Variants in OIP5 observed in about 807,000 individuals in gnomAD.
The protein encoded by OIP5 is Opa interacting protein 5.
OIP5 carries 24 observed loss-of-function variants against 20.3 expected under a neutral mutation model. The ratio of observed to expected loss-of-function variants is 1.18; its 90% CI spans 0.86 to 1.66. The LOEUF is 1.66. Among genes scored for constraint, OIP5 ranks in the 40% most tolerant of loss-of-function variants. The pLI is 0.00. For synonymous variants in OIP5, 143 were observed against 121.3 expected (o/e 1.18, Z -1.17); for missense variants, 339 against 289.5 (o/e 1.17, Z -1.24).
chr15:41,326,525 G>C (rs760201023), intron 2 of OIP5, among the ~76,000 whole-genome samples: 2 of 152,168 alleles, frequency 1.3e-5, no homozygotes, highest in Non-Finnish European at 2.9e-5. Flanking sequence ...CTAGGTTCAA[G>C]TGATTCTCCT....
At chr15:41,316,347 C>T (rs2047788614) in intron 3 of OIP5, among the ~76,000 whole-genome samples, 1 of 152,020 alleles carries the variant, frequency 6.6e-6, no homozygotes, top group African/African-American at 2.4e-5. Flanking sequence ...CTCAGGATCT[C>T]AGGTATATAT....
At chr15:41,318,466 AGGGAGCAGTTTGAGAT>A (rs2047802405) in intron 3 of OIP5, among the ~76,000 whole-genome samples, 1 of 151,518 alleles carries the variant, frequency 6.6e-6, no homozygotes, top group Admixed American at 6.6e-5. Flanking sequence ...CCGGCCCATA[AGGGAGCAGTTTGAGAT>A]GGGAGGCTTC....
At chr15:41,325,052 A>G (rs927175699) in intron 2 of OIP5, among the ~76,000 whole-genome samples, 1 of 152,202 alleles carries the variant, frequency 6.6e-6, no homozygotes, top group Non-Finnish European at 1.5e-5. Context: ...CAATTACAAT[A>G]GTAACAGCAA....
At chr15:41,315,756 T>A (rs937933973) in intron 3 of OIP5, among the ~76,000 whole-genome samples, 1 of 152,180 alleles carries the variant, frequency 6.6e-6, no homozygotes, top group Non-Finnish European at 1.5e-5. Flanking sequence ...CATTTACTTT[T>A]GTACTGATTT....
At chr15:41,329,063 C>CAAAAAAAAAAAAAAAAAAA (rs1166517767) in intron 2 of OIP5, among the ~76,000 whole-genome samples, 1 of 50,356 alleles carries the variant, frequency 2.0e-5, no homozygotes, top group Non-Finnish European at 3.5e-5. Flanking sequence ...GACTCCATCT[C>CAAAAAAAAAAAAAAAAAAA]AAAAAAAAAA....
chr15:41,332,400 C>T lies in OIP5; in HGVS notation c.162G>A (p.Gly54=), dbSNP rs757423137. Residue 54 remains glycine, a synonymous_variant, in exon 1 of 5, where the codon GGG becomes GGA. Coordinates refer to ENST00000220514, the MANE Select transcript of OIP5 (RefSeq NM_007280.2). ...CGGCGGCTGGCTCCTCAGCCCCCAG[C>T]CCTGCGGGGCCGAGCGGCGAGGACC... is the stretch of plus-strand genomic sequence containing the variant. ...VKGSSPLGPA[G]LGAEEPAAGP... is the part of the protein sequence containing the mutation. The T allele has an allele frequency of 4.3e-6, 7 of 1,613,714 alleles. No homozygotes were observed. In the East Asian group the frequency reaches 1.6e-4, roughly 36 times the overall value.
Position 41,313,256 on chromosome 15 carries a change from C to T in OIP5, c.594+17G>A. ...GTCTGTATTTTAAAAAAGCATACAA[C>T]CATCATGAAATTTTACCTCTGCAAT... On this transcript the variant is annotated intron_variant, in intron 4 of 4. Transcript: ENST00000220514. 1.3e-6 allele frequency: 2 copies of T among 1,483,586 alleles called. No homozygotes were observed. Among genetic ancestry groups the T allele is most frequent in the Non-Finnish European group, 1.9e-6 (2 of 1,068,872 alleles). 91.9% of individuals were successfully genotyped at this position (1,483,586 alleles called of 1,614,324 possible). A position where few individuals can be genotyped will look rare whatever the true frequency, so the allele number is the denominator to read the frequency against.
Position 41,332,298 on chromosome 15 carries a change from G to A in OIP5, c.264C>T (p.Ala88=), listed in dbSNP as rs770889296. 5.0e-6 allele frequency: 8 copies of A among 1,586,508 alleles called. No homozygotes were observed. The highest frequency in any genetic ancestry group is 3.4e-5 in the South Asian group (3 of 87,936). The change falls in exon 1 of 5, where the codon GCC becomes GCT. Residue 88 remains alanine (A), a synonymous_variant. Coordinates refer to ENST00000220514, the MANE Select transcript of OIP5 (RefSeq NM_007280.2). ...GGTCCCAGGCGAGGTGCACCGAGTC[G>A]GCGAGCACTGCGTGACACTGTGCGC... is the stretch of plus-strand genomic sequence containing the variant. ...FQCAQCHAVL[A]DSVHLAWDLS... is the part of the protein sequence containing the mutation.
chr15:41,320,236 A>G (rs556619372), intron 2 of OIP5, among the ~76,000 whole-genome samples: 2 of 152,210 alleles, frequency 1.3e-5, no homozygotes, highest in Admixed American at 1.3e-4. Flanking sequence ...ATTAAAAAAG[A>G]AAGTTAATGA....
At chr15:41,332,026 G>T in intron 1 of OIP5, 45 bp from the exon 2 acceptor site, 1 of 1,583,050 alleles carries the variant, frequency 6.3e-7, no homozygotes, top group Non-Finnish European at 8.7e-7. Flanking sequence ...TGCGGGCCTT[G>T]AAATGGAAAA....
rs932565545 is a variant in OIP5, at chr15:41,332,050, C to T, written c.323-69G>A. 5 of 1,478,672 alleles carry T rather than the reference C, an allele frequency of 3.4e-6. No individual in the cohort carries two copies. In the East Asian group the frequency reaches 1.1e-4, roughly 33 times the overall value. 91.6% of individuals were successfully genotyped at this position (1,478,672 alleles called of 1,614,324 possible). A position where few individuals can be genotyped will look rare whatever the true frequency, so the allele number is the denominator to read the frequency against. ...TGAAATGGAAAATCTCTCCTCTAGA[C>T]AGACTCATCCTGGCCGTAAATATCA... On this transcript the variant is annotated intron_variant, in intron 1 of 4. Coordinates refer to ENST00000220514, the MANE Select transcript of OIP5 (RefSeq NM_007280.2).
chr15:41,316,895 C>A (rs539248657), intron 3 of OIP5, among the ~76,000 whole-genome samples: 7 of 151,888 alleles, frequency 4.6e-5, no homozygotes, highest in Admixed American at 6.6e-5. Flanking sequence ...AGCTCTTCCA[C>A]CTCTTTGAGC....
At chr15:41,327,512 G>A (rs1595503823) in intron 2 of OIP5, among the ~76,000 whole-genome samples, 1 of 151,884 alleles carries the variant, frequency 6.6e-6, no homozygotes, top group African/African-American at 2.4e-5. Context: ...AAAAGAGGCT[G>A]GGCGCAGTGG....
Position 41,331,972 on chromosome 15 carries a change from T to A in OIP5, c.332A>T (p.Asn111Ile). The A allele has an allele frequency of 6.2e-7, 1 of 1,613,926 alleles. No homozygotes were observed. The highest frequency in any genetic ancestry group is 2.2e-5 in the East Asian group (1 of 44,866). Reference protein sequence around the residue: ...LGAVVFSRVTNNVVLEAPFLV... With the variant: ...LGAVVFSRVTINVVLEAPFLV... ...GAAGGGCGCTTCCAAAACGACGTTA[T>A]TTGTAACTCCTAGGAAGACAAACAC... is the stretch of plus-strand genomic sequence containing the variant. The change falls in exon 2 of 5, where the codon AAT becomes ATT. Residue 111 changes from asparagine to isoleucine, a missense_variant. Transcript: ENST00000220514.
intron 2 of OIP5, among the ~76,000 whole-genome samples, chr15:41,321,634 G>C (rs1343713142): frequency 2.0e-5 from 3 of 152,010 alleles, no homozygotes; most frequent in Non-Finnish European, 4.4e-5. Flanking sequence ...CCCCAATCCT[G>C]TGCTCTCTGA....
chr15:41,315,595 T>G (rs1396688124), intron 3 of OIP5, among the ~76,000 whole-genome samples: 2 of 152,170 alleles, frequency 1.3e-5, no homozygotes, highest in Non-Finnish European at 2.9e-5. Flanking sequence ...AGTTTCTACT[T>G]AATCAAAAAG....
intron 2 of OIP5, among the ~76,000 whole-genome samples, chr15:41,330,409 ATTT>A (rs766498868): frequency 6.2e-5 from 8 of 128,636 alleles, no homozygotes; most frequent in African/African-American, 1.5e-4. Flanking sequence ...CGTAATCAGT[ATTT>A]TTTTTTTTTT....
chr15:41,315,397 C>G (rs1193045471), intron 3 of OIP5, among the ~76,000 whole-genome samples: 5 of 150,826 alleles, frequency 3.3e-5, no homozygotes, highest in African/African-American at 9.8e-5. Flanking sequence ...CCACTGTGTT[C>G]CAACTTGGGT....
intron 3 of OIP5, 117 bp from the exon 4 acceptor site, chr15:41,313,471 C>G: frequency 3.3e-6 from 2 of 605,896 alleles, no homozygotes; most frequent in Non-Finnish European, 2.9e-6. Flanking sequence ...TAATGATTTT[C>G]ATTTCAAGAC....
Sources: allele counts gnomAD v4.1 joint callset (sites outside exome capture counted in the v4.1 genomes callset), GRCh38; gene constraint gnomAD v4.1.1; transcripts MANE v1.5; gene names NCBI Gene and HGNC (gene_info 2026-07-23, HGNC 2026-07-21).